Variants in RAB36 observed in about 807,000 individuals in gnomAD.
The protein encoded by RAB36 is ras-related protein Rab-36.
A neutral mutation model predicts 39.3 loss-of-function variants in RAB36; 33 were observed. The observed-to-expected ratio is 0.84, with a 90% CI of 0.64 to 1.12. The LOEUF (loss-of-function observed/expected upper bound fraction) is 1.12. Ranked by LOEUF, RAB36 falls within the 50% of genes most tolerant of loss-of-function variation. The pLI, the probability that RAB36 is intolerant of heterozygous loss-of-function variation, is 0.00. For synonymous variants in RAB36, 133 were observed against 140.2 expected (o/e 0.95, Z 0.36); for missense variants, 308 against 355.3 (o/e 0.87, Z 1.07).
At chr22:23,149,972 G>A in intron 2 of RAB36, 91 bp from the exon 3 acceptor site, 1 of 1,012,000 alleles carries the variant, frequency 9.9e-7, no homozygotes, top group Non-Finnish European at 1.5e-6. Context: ...AGGAAGGAAG[G>A]CTGGGAAGAT....
intron 5 of RAB36, among the ~76,000 whole-genome samples, chr22:23,155,282 T>C: frequency 6.6e-6 from 1 of 152,344 alleles, no homozygotes; most frequent in South Asian, 2.1e-4. Context: ...CTACCTGCCT[T>C]GTTCTAAGCC....
At position 23,158,020 on chromosome 22, in the gene RAB36, C is replaced by T. The variant is rs375286514; in HGVS notation, c.423C>T (p.Asp141=). ...QVIITAFDLT[D]VQTLEHTRQW... ...TCATCACGGCCTTTGACCTCACTGA[C>T]GTGCAGACCCTGGAGCATACCAGGT... The change falls in exon 7 of 11, where the codon GAC becomes GAT. Residue 141 remains aspartate (D), a synonymous_variant. Transcript: ENST00000263116. 2.8e-5 allele frequency: 46 copies of T among 1,614,206 alleles called. 1 individual carries two copies. In the African/African-American group the frequency reaches 4.4e-4, roughly 15 times the overall value.
Position 23,158,024 on chromosome 22 carries a change from C to T in RAB36, c.427C>T (p.Gln143Ter), listed in dbSNP as rs767999546. The change falls in exon 7 of 11, where the codon CAG (glutamine) becomes TAG (stop). Residue 143 changes from glutamine to a stop codon, truncating the protein, a stop_gained. Coordinates refer to ENST00000263116, the MANE Select transcript of RAB36 (RefSeq NM_004914.5). LOFTEE classifies it high-confidence loss of function. ...CACGGCCTTTGACCTCACTGACGTG[C>T]AGACCCTGGAGCATACCAGGTAAGT... Reference protein sequence around the residue: ...IITAFDLTDVQTLEHTRQWLE... With the variant: ...IITAFDLTDV 46 of 1,614,068 alleles carry T rather than the reference C, an allele frequency of 2.8e-5. No homozygotes were observed. The highest frequency in any genetic ancestry group is 3.9e-5 in the Non-Finnish European group (46 of 1,180,022).
At chr22:23,145,637 A>AGCGTCCGCGCCCACT in intron 1 of RAB36, 86 bp downstream of exon 1, 10 of 1,403,310 alleles carry the variant, frequency 7.1e-6, no homozygotes, top group Non-Finnish European at 9.6e-6. Flanking sequence ...GCGAGGGCAC[A>AGCGTCCGCGCCCACT]GCGTCCGCGC....
intron 5 of RAB36, among the ~76,000 whole-genome samples, chr22:23,153,962 T>TA (rs2146538448): frequency 6.6e-6 from 1 of 152,256 alleles, no homozygotes; most frequent in East Asian, 1.9e-4. Context: ...GTGCTGGGAT[T>TA]ACAGGTGTGA....
At position 23,165,430 on chromosome 22, in the gene RAB36, G is replaced by A. The variant is rs1289455536; in HGVS notation, c.*3866G>A. 1.3e-5 allele frequency among the ~76,000 whole-genome samples: 2 copies of A among 152,192 alleles called. No individual in the cohort carries two copies. Among genetic ancestry groups the A allele is most frequent in the East Asian group, 1.9e-4 (1 of 5,192 alleles). On this transcript the variant is annotated 3_prime_UTR_variant, in exon 11 of 11. Transcript: ENST00000263116. ...GCATCAGCCAGTGAAGGCGGTTTGG[G>A]GCTGGAGGATATGTTCTGATCTTGG...
At position 23,162,914 on chromosome 22, in the gene RAB36, C is replaced by T. The variant is rs1601956695; in HGVS notation, c.*1350C>T. 2 of 303,682 alleles carry T rather than the reference C, an allele frequency of 6.6e-6. No homozygotes were observed. The highest frequency in any genetic ancestry group is 2.3e-5 in the African/African-American group (1 of 42,924). The allele number at this position is 303,682 out of a possible 1,614,324, so 18.8% of individuals were successfully genotyped here. A position where few individuals can be genotyped will look rare whatever the true frequency, so the allele number is the denominator to read the frequency against. ...TTTTTGTAGTTTTTTATATAAATGA[C>T]TTTTTTTTTTTTTTGAGATGGAGTT... is the stretch of plus-strand genomic sequence containing the variant. On this transcript the variant is annotated 3_prime_UTR_variant, in exon 11 of 11. Coordinates refer to ENST00000263116, the MANE Select transcript of RAB36 (RefSeq NM_004914.5).
At position 23,165,199 on chromosome 22, in the gene RAB36, AAAG is replaced by A. The variant is rs2072016370; in HGVS notation, c.*3639_*3641del. Among the ~76,000 whole-genome samples the A allele has an allele frequency of 6.6e-6, 1 of 152,208 alleles. No individual in the cohort carries two copies. The highest frequency in any genetic ancestry group is 2.4e-5 in the African/African-American group (1 of 41,452). On this transcript the variant is annotated 3_prime_UTR_variant, in exon 11 of 11. Coordinates refer to ENST00000263116, the MANE Select transcript of RAB36 (RefSeq NM_004914.5). Reference sequence around the variant, plus strand: ...CACAGTAGGTGCTCAATAGATGTGTAAAGAAGGCAGGGAAGCAAGAAGGTTGCT... The same window carrying A: ...CACAGTAGGTGCTCAATAGATGTGTAAAGGCAGGGAAGCAAGAAGGTTGCT...
At chr22:23,155,251 C>T (rs1379515407) in intron 5 of RAB36, among the ~76,000 whole-genome samples, 6 of 152,148 alleles carry the variant, frequency 3.9e-5, no homozygotes, top group Non-Finnish European at 5.9e-5. Context: ...AACAATTTTC[C>T]GACTCAGCCC....
chr22:23,167,673 A>ACGTT (rs2072073572), downstream of RAB36, among the ~76,000 whole-genome samples: 1 of 152,054 alleles, frequency 6.6e-6, no homozygotes, highest in Admixed American at 6.6e-5. Flanking sequence ...TTAAATTGAC[A>ACGTT]CGTTCACTCA....
chr22:23,151,891 G>A (rs2071156948), intron 3 of RAB36, among the ~76,000 whole-genome samples: 1 of 152,200 alleles, frequency 6.6e-6, no homozygotes, highest in Admixed American at 6.5e-5. Context: ...CCTGTTCGGG[G>A]TGTGCCCCTT....
Position 23,152,461 on chromosome 22 carries a change from G to A in RAB36, c.162G>A (p.Gly54=), listed in dbSNP as rs1267352956. The A allele has an allele frequency of 1.7e-5, 28 of 1,614,124 alleles. 1 individual carries two copies. Among genetic ancestry groups the A allele is most frequent in the Non-Finnish European group, 2.4e-5 (28 of 1,180,010 alleles). ...GGCAACACGGCCATATTTCTCACAG[G>A]CTCAAACTCTCCAAGGTGGTGGTGG... ...ACQRRNTGTV[G]LKLSKVVVVG... is the part of the protein sequence containing the mutation. The change falls in exon 4 of 11, where the codon GGG becomes GGA. Residue 54 remains glycine (G), a splice_region_variant and synonymous_variant. Coordinates refer to ENST00000263116, the MANE Select transcript of RAB36 (RefSeq NM_004914.5).
chr22:23,152,977 C>A, intron 4 of RAB36, 56 bp from the exon 5 acceptor site: 1 of 1,266,372 alleles, frequency 7.9e-7, no homozygotes, highest in Non-Finnish European at 1.2e-6. Context: ...ACAAGTGAAG[C>A]TTCCGGGCAC....
chr22:23,149,219 C>G (rs1466847116), intron 2 of RAB36, among the ~76,000 whole-genome samples: 2 of 151,882 alleles, frequency 1.3e-5, no homozygotes, highest in African/African-American at 2.4e-5. Context: ...GGGGCGGGAC[C>G]CTTGCCATAC....
Position 23,163,539 on chromosome 22 carries a change from CTT to C in RAB36, c.*1978_*1979del, listed in dbSNP as rs909542892. 6.7e-6 allele frequency: 1 copy of C among 150,050 alleles called. No homozygotes were observed. The highest frequency in any genetic ancestry group is 2.4e-5 in the African/African-American group (1 of 41,074). 9.3% of individuals were successfully genotyped at this position (150,050 alleles called of 1,614,324 possible). A position where few individuals can be genotyped will look rare whatever the true frequency, so the allele number is the denominator to read the frequency against. On this transcript the variant is annotated 3_prime_UTR_variant, in exon 11 of 11. Coordinates refer to ENST00000263116, the MANE Select transcript of RAB36 (RefSeq NM_004914.5). Reference sequence around the variant, plus strand: ...CACCGCGTCCGGCCTCCATAAATGACTTTTAAAGGGGTTGTATGTTTAGTGTG... The same window carrying C: ...CACCGCGTCCGGCCTCCATAAATGACTTAAAGGGGTTGTATGTTTAGTGTG...
At chr22:23,151,127 A>G (rs1371924931) in intron 3 of RAB36, among the ~76,000 whole-genome samples, 1 of 152,184 alleles carries the variant, frequency 6.6e-6, no homozygotes, top group Non-Finnish European at 1.5e-5. Flanking sequence ...GCTGCCAGAG[A>G]GCGCAGCTAG....
chr22:23,157,891 G>A lies in RAB36; in HGVS notation c.395-101G>A, dbSNP rs2071549142. ...TCCGGTGCTGAGTGCCTGGTTGGGG[G>A]GCTGCCCTGGCAGTTCCTTGGGAGC... On this transcript the variant is annotated intron_variant, in intron 6 of 10. Transcript: ENST00000263116. 2.5e-6 allele frequency: 4 copies of A among 1,582,986 alleles called. No homozygotes were observed. The Admixed American group carries it at 5.3e-5, about 21-fold the overall frequency.
chr22:23,148,146 C>T (rs1332162762), intron 2 of RAB36, among the ~76,000 whole-genome samples: 1 of 152,150 alleles, frequency 6.6e-6, no homozygotes, highest in East Asian at 1.9e-4. Flanking sequence ...GAGTATGTGG[C>T]TCTTCCTCCT....
rs2071743865 is a variant in RAB36, at chr22:23,160,884, A to T, written c.625A>T (p.Asn209Tyr). ...GCTGTCTTGTGGGCCCACAGGCGAG[A>T]ACGTGAAGGCATTCTTCAGCCGCGT... ...YWSVSAKTGE[N>Y]VKAFFSRVAA... Residue 209 changes from asparagine to tyrosine, a missense_variant, in exon 10 of 11, where the codon AAC becomes TAC. By Grantham distance (143) the Asn-to-Tyr change is moderately radical. Transcript: ENST00000263116. The T allele has an allele frequency of 6.2e-7, 1 of 1,613,310 alleles. No individual in the cohort carries two copies. Among genetic ancestry groups the T allele is most frequent in the Admixed American group, 1.7e-5 (1 of 59,958 alleles).
Sources: allele counts gnomAD v4.1 joint callset (sites outside exome capture counted in the v4.1 genomes callset), GRCh38; gene constraint gnomAD v4.1.1; transcripts MANE v1.5; gene names NCBI Gene and HGNC (gene_info 2026-07-23, HGNC 2026-07-21).